The following M1AP variants were observed in gnomAD, a reference collection of about 807,000 sequenced individuals.
The protein encoded by M1AP is meiosis 1 arrest protein.
A neutral mutation model predicts 51.2 loss-of-function variants in M1AP; 39 were observed. The observed-to-expected ratio is 0.76, with a 90% CI of 0.59 to 1.00. M1AP has a LOEUF of 1.00. Among genes scored for constraint, M1AP ranks in the 50% least tolerant of loss-of-function variants. The pLI is 0.00. For missense variants in M1AP, 545 were observed against 641.2 expected (o/e 0.85, Z 1.62); for synonymous variants, 251 against 249.2 (o/e 1.01, Z -0.07).
At chr2:74,646,184 G>A (rs1683602795) in intron 1 of M1AP, among the ~76,000 whole-genome samples, 1 of 152,226 alleles carries the variant, frequency 6.6e-6, no homozygotes, top group African/African-American at 2.4e-5. Context: ...AGCACAGACA[G>A]AAGTGTGTAG....
intron 2 of M1AP, among the ~76,000 whole-genome samples, chr2:74,626,948 T>C (rs1375778908): frequency 6.6e-6 from 1 of 152,226 alleles, no homozygotes; most frequent in African/African-American, 2.4e-5. Flanking sequence ...GGATATTCTT[T>C]CTTTTAAAAT....
intron 6 of M1AP, 122 bp downstream of exon 6, chr2:74,576,334 A>G (rs1679063550): frequency 1.9e-6 from 2 of 1,039,492 alleles, no homozygotes. Context: ...TGTAACTGCT[A>G]CTTCGGAACT....
chr2:74,643,189 CTAT>C (rs1683410197), intron 1 of M1AP, among the ~76,000 whole-genome samples: 1 of 151,728 alleles, frequency 6.6e-6, no homozygotes, highest in African/African-American at 2.4e-5. Flanking sequence ...AGCCAAAAGA[CTAT>C]TAATAACAAT....
At chr2:74,625,996 C>G (rs1682360705) in intron 2 of M1AP, among the ~76,000 whole-genome samples, 1 of 152,212 alleles carries the variant, frequency 6.6e-6, no homozygotes, top group South Asian at 2.1e-4. Context: ...CTGTAGCTCA[C>G]CTATCACTGG....
At chr2:74,594,582 T>C (rs544882238) in intron 4 of M1AP, among the ~76,000 whole-genome samples, 3 of 152,232 alleles carry the variant, frequency 2.0e-5, no homozygotes, top group African/African-American at 7.2e-5. Flanking sequence ...GGTTAAGATG[T>C]AAATTTACAG....
chr2:74,619,158 C>A, intron 2 of M1AP: 1 of 261,992 alleles, frequency 3.8e-6, no homozygotes. Flanking sequence ...TGTCTTCCCT[C>A]CTTCCTCCTA....
At chr2:74,631,764 T>C (rs1262090370) in intron 2 of M1AP, among the ~76,000 whole-genome samples, 2 of 152,314 alleles carry the variant, frequency 1.3e-5, no homozygotes, top group East Asian at 3.9e-4. Flanking sequence ...ACAATGGATA[T>C]AAAAGGAATT....
Position 74,611,886 on chromosome 2 carries a change from T to TG in M1AP, c.426+3077_426+3078insC, listed in dbSNP as rs1414187493. Among the ~76,000 whole-genome samples, 194 of 65,652 alleles carry TG rather than the reference T, an allele frequency of 3.0e-3. 2 individuals carry two copies. The highest frequency in any genetic ancestry group is 3.7e-3 in the African/African-American group (65 of 17,642). 43.1% of individuals were successfully genotyped at this position (65,652 alleles called of 152,430 possible). The stretch of plus-strand genomic sequence containing the variant: ...AAAAAACAACAACAAAAAAGTGTTT[T>TG]TTTTTTTTTTTTTTTTTTTTTTTTT... On this transcript the variant is annotated intron_variant, in intron 3 of 10. Transcript: ENST00000421985.
chr2:74,559,956 TAA>T (rs758045871), intron 9 of M1AP, among the ~76,000 whole-genome samples, 193 bp downstream of exon 9: 3 of 152,234 alleles, frequency 2.0e-5, no homozygotes, highest in African/African-American at 4.8e-5. Flanking sequence ...TTATTATATG[TAA>T]ATGCCCTAGC....
chr2:74,561,154 A>AGGAGGAGGAGGAGG (rs1677942098), intron 8 of M1AP, among the ~76,000 whole-genome samples: 1 of 12,786 alleles, frequency 7.8e-5, no homozygotes, highest in Non-Finnish European at 1.9e-4. Context: ...GGAGGAGGAG[A>AGGAGGAGGAGGAGG]AGGAGGAGGA....
intron 4 of M1AP, among the ~76,000 whole-genome samples, chr2:74,584,886 A>G (rs1275459689): frequency 6.6e-6 from 1 of 150,882 alleles, no homozygotes; most frequent in African/African-American, 2.4e-5. Flanking sequence ...TCTGTCACCC[A>G]TGTTGGAGTG....
intron 4 of M1AP, among the ~76,000 whole-genome samples, chr2:74,600,625 C>A (rs1178932268): frequency 6.6e-6 from 1 of 152,116 alleles, no homozygotes; most frequent in Non-Finnish European, 1.5e-5. Context: ...CTTCTTATCT[C>A]TATTTCTTGA....
chr2:74,558,870 C>T lies in M1AP; in HGVS notation c.1439G>A (p.Gly480Glu). The T allele has an allele frequency of 6.3e-7, 1 of 1,589,016 alleles. No homozygotes were observed. The highest frequency in any genetic ancestry group is 1.1e-5 in the South Asian group (1 of 86,958). ...RAPRKHPCKT[G>E]QLQTNRARAT... is the part of the protein sequence containing the mutation. ...TCGAGCTCGGTTGGTCTGCAACTGCCCAGTCTGCAAAGAGAGCAACCAGAG... is the reference window on the plus strand; with the variant it reads ...TCGAGCTCGGTTGGTCTGCAACTGCTCAGTCTGCAAAGAGAGCAACCAGAG... The change falls in exon 11 of 11, where the codon GGG becomes GAG. Residue 480 changes from glycine (G) to glutamate (E), a missense_variant. Coordinates refer to ENST00000421985, the MANE Select transcript of M1AP (RefSeq NM_001321739.2).
At chr2:74,570,411 T>A (rs1043165172) in intron 7 of M1AP, among the ~76,000 whole-genome samples, 1 of 152,152 alleles carries the variant, frequency 6.6e-6, no homozygotes, top group African/African-American at 2.4e-5. Flanking sequence ...GTTAGTAAAG[T>A]GGGGAAGCGA....
At chr2:74,609,214 C>T (rs952357818) in intron 3 of M1AP, among the ~76,000 whole-genome samples, 8 of 152,062 alleles carry the variant, frequency 5.3e-5, no homozygotes, top group African/African-American at 1.7e-4. Context: ...ATGCACCCTT[C>T]CCCCCTATCC....
chr2:74,628,806 C>T, intron 2 of M1AP: 1 of 490,298 alleles, frequency 2.0e-6, no homozygotes, highest in Non-Finnish European at 4.1e-6. Flanking sequence ...AATGATTGCA[C>T]TGACTTGAAA....
chr2:74,612,332 C>T (rs1681415003), intron 3 of M1AP, among the ~76,000 whole-genome samples: 1 of 152,108 alleles, frequency 6.6e-6, no homozygotes, highest in South Asian at 2.1e-4. Flanking sequence ...AATCTTTCCA[C>T]CTCGGCCTCC....
chr2:74,560,891 C>A (rs534254904), intron 8 of M1AP, among the ~76,000 whole-genome samples: 1 of 152,168 alleles, frequency 6.6e-6, no homozygotes, highest in Non-Finnish European at 1.5e-5. Context: ...AATCCCAGGC[C>A]TTGTCCTTGC....
At chr2:74,602,303 T>C (rs776764683) in intron 4 of M1AP, among the ~76,000 whole-genome samples, 178 of 152,286 alleles carry the variant, frequency 1.2e-3, no homozygotes, top group Non-Finnish European at 1.9e-3. Flanking sequence ...TAGAAAGATA[T>C]ATAAGACACA....
Sources: allele counts gnomAD v4.1 joint callset (sites outside exome capture counted in the v4.1 genomes callset), GRCh38; gene constraint gnomAD v4.1.1; transcripts MANE v1.5; gene names NCBI Gene and HGNC (gene_info 2026-07-23, HGNC 2026-07-21).